LCMT1: variants seen among roughly 807,000 people sequenced by gnomAD.
The protein encoded by LCMT1 is leucine carboxyl methyltransferase 1.
LCMT1 carries 32 observed loss-of-function variants against 47.7 expected under a neutral mutation model. The observed-to-expected ratio is 0.67, with a 90% confidence interval of 0.51 to 0.90. The LOEUF is 0.90. Ranked by LOEUF, LCMT1 falls within the 40% of genes least tolerant of loss-of-function variation. The pLI is 0.00. For missense variants in LCMT1, 375 were observed against 415.2 expected (o/e 0.90, Z 0.84); for synonymous variants, 152 against 149.7 (o/e 1.02, Z -0.11).
At chr16:25,159,391 G>A (rs1253906012) in intron 5 of LCMT1, among the ~76,000 whole-genome samples, 19 of 152,048 alleles carry the variant, frequency 1.2e-4, no homozygotes, top group Admixed American at 7.2e-4. Flanking sequence ...CTCAGCCTCC[G>A]GAGTAGCTGG....
chr16:25,124,130 C>G (rs1165025657), intron 1 of LCMT1, among the ~76,000 whole-genome samples: 1 of 152,168 alleles, frequency 6.6e-6, no homozygotes, highest in Admixed American at 6.5e-5. Flanking sequence ...TCTCAAGAGT[C>G]CATTTCCTTT....
At chr16:25,164,529 A>C (rs1306711315) in intron 6 of LCMT1, 69 bp from the exon 7 acceptor site, 8 of 1,602,450 alleles carry the variant, frequency 5.0e-6, no homozygotes, top group Non-Finnish European at 6.8e-6. Context: ...ATACTGCAAC[A>C]TGTGTACAAT....
At position 25,139,414 on chromosome 16, in the gene LCMT1, G is replaced by A. The variant is rs137897868; in HGVS notation, c.328-757G>A. On this transcript the variant is annotated intron_variant, in intron 3 of 10. Transcript: ENST00000399069. ...AATCCTCGCTACTCTGGAGGCTGAG[G>A]CAGGAGAATCGCTTGAACCCGGGAG... 2.4e-3 allele frequency among the ~76,000 whole-genome samples: 368 copies of A among 152,148 alleles called. 2 individuals carry two copies. The highest frequency in any genetic ancestry group is 8.6e-3 in the African/African-American group (355 of 41,520).
intron 5 of LCMT1, chr16:25,159,069 A>C (rs1210837167): frequency 1.3e-5 from 2 of 152,128 alleles, no homozygotes; most frequent in African/African-American, 4.8e-5. Flanking sequence ...GTTAGATCCT[A>C]ATGTGAGTAA....
intron 3 of LCMT1, among the ~76,000 whole-genome samples, chr16:25,139,429 G>C (rs1960607684): frequency 6.6e-6 from 1 of 151,902 alleles, no homozygotes; most frequent in African/African-American, 2.4e-5. Flanking sequence ...AGAATCGCTT[G>C]AACCCGGGAG....
intron 4 of LCMT1, among the ~76,000 whole-genome samples, chr16:25,151,173 A>G (rs1961070123): frequency 6.6e-6 from 1 of 152,246 alleles, no homozygotes; most frequent in South Asian, 2.1e-4. Context: ...AGTATCTTTA[A>G]AAGTTTGATT....
At chr16:25,114,468 T>G (rs1464171390) in intron 1 of LCMT1, among the ~76,000 whole-genome samples, 1 of 152,202 alleles carries the variant, frequency 6.6e-6, no homozygotes, top group Admixed American at 6.5e-5. Flanking sequence ...TAACTCCATT[T>G]GACTCAATAG....
At chr16:25,128,954 C>T (rs2141645227) in intron 2 of LCMT1, among the ~76,000 whole-genome samples, 1 of 145,662 alleles carries the variant, frequency 6.9e-6, no homozygotes, top group African/African-American at 2.5e-5. Flanking sequence ...ATACCTAGTG[C>T]ATGCAGGGCT....
intron 5 of LCMT1, among the ~76,000 whole-genome samples, chr16:25,156,477 A>T (rs895829446): frequency 4.5e-4 from 68 of 152,182 alleles, no homozygotes; most frequent in African/African-American, 1.6e-3. Flanking sequence ...GAAAGAGAAA[A>T]GAACAGCAAG....
chr16:25,120,731 GT>G (rs1434579218), intron 1 of LCMT1, among the ~76,000 whole-genome samples: 1 of 132,468 alleles, frequency 7.5e-6, no homozygotes, highest in Non-Finnish European at 1.6e-5. Context: ...ACCTGGCCTT[GT>G]TTTTTTGTTT....
chr16:25,176,550 C>CTT lies in LCMT1; in HGVS notation c.983-1422_983-1421dup, dbSNP rs1170373745. ...GGTTTTGGTTTTTGTTTTTTTTTGG[C>CTT]TTTTTTTTTTTTTTTTTTTTTTTTT... On this transcript the variant is annotated intron_variant, in intron 10 of 10. Coordinates refer to ENST00000399069, the MANE Select transcript of LCMT1 (RefSeq NM_016309.3). Among the ~76,000 whole-genome samples, 309 of 44,266 alleles carry CTT rather than the reference C, an allele frequency of 7.0e-3. 54 individuals carry two copies. The highest frequency in any genetic ancestry group is 0.014 in the African/African-American group (135 of 9,820). 29.0% of individuals were successfully genotyped at this position (44,266 alleles called of 152,430 possible).
At chr16:25,137,711 T>G (rs1248699622) in intron 3 of LCMT1, among the ~76,000 whole-genome samples, 1 of 152,102 alleles carries the variant, frequency 6.6e-6, no homozygotes, top group Admixed American at 6.5e-5. Context: ...CCCAAAGTGC[T>G]GGGATTACAG....
intron 1 of LCMT1, among the ~76,000 whole-genome samples, chr16:25,115,179 C>T (rs918163750): frequency 6.6e-6 from 1 of 152,134 alleles, no homozygotes; most frequent in Non-Finnish European, 1.5e-5. Flanking sequence ...AGTTGCTTGA[C>T]CAGTTATTTT....
At chr16:25,134,966 T>C (rs1035760305) in intron 3 of LCMT1, among the ~76,000 whole-genome samples, 1 of 152,104 alleles carries the variant, frequency 6.6e-6, no homozygotes, top group African/African-American at 2.4e-5. Context: ...CACAGTACAG[T>C]GTGAGAGAAT....
intron 2 of LCMT1, among the ~76,000 whole-genome samples, chr16:25,130,194 G>T (rs570035071): frequency 3.3e-5 from 5 of 152,064 alleles, no homozygotes; most frequent in Non-Finnish European, 7.4e-5. Context: ...CAGAAAATTA[G>T]CCGGGTGTGG....
chr16:25,167,502 G>A (rs2141708268), intron 7 of LCMT1, among the ~76,000 whole-genome samples: 1 of 151,996 alleles, frequency 6.6e-6, no homozygotes, highest in East Asian at 1.9e-4. Context: ...GGTAGAGACA[G>A]GGTCTTGCTA....
intron 1 of LCMT1, among the ~76,000 whole-genome samples, chr16:25,125,031 A>T (rs11860180): frequency 6.6e-6 from 1 of 152,048 alleles, no homozygotes; most frequent in Non-Finnish European, 1.5e-5. Context: ...AAAATCTTTG[A>T]GGTCTTTCCA....
chr16:25,171,411 CAAA>C (rs924483892), intron 9 of LCMT1, among the ~76,000 whole-genome samples: 1 of 150,800 alleles, frequency 6.6e-6, no homozygotes, highest in Non-Finnish European at 1.5e-5. Context: ...GACTGCTTCT[CAAA>C]AAAACAAACA....
At chr16:25,163,617 A>G (rs900651953) in intron 6 of LCMT1, among the ~76,000 whole-genome samples, 6 of 151,240 alleles carry the variant, frequency 4.0e-5, no homozygotes, top group African/African-American at 1.5e-4. Context: ...ATTATCGTGT[A>G]AGGAAAAGAA....
Sources: allele counts gnomAD v4.1 joint callset (sites outside exome capture counted in the v4.1 genomes callset), GRCh38; gene constraint gnomAD v4.1.1; transcripts MANE v1.5; gene names NCBI Gene and HGNC (gene_info 2026-07-23, HGNC 2026-07-21).